The following PCDHGA3 variants were observed in gnomAD, a reference collection of about 807,000 sequenced individuals.
PCDHGA3 encodes the protein protocadherin gamma subfamily A, 3, also known as protocadherin gamma-A3.
In PCDHGA3, 40 loss-of-function variants were observed where a neutral mutation model predicts 58.5. The observed-to-expected ratio is 0.68, with a 90% confidence interval of 0.53 to 0.89. PCDHGA3 has a LOEUF of 0.89. PCDHGA3 is among the 40% of genes least tolerant of loss of function. PCDHGA3 has a pLI of 0.00. For missense variants in PCDHGA3, 1,223 were observed against 1,195.9 expected, an observed-to-expected ratio of 1.02 and a Z score of -0.33; for synonymous variants, 530 against 525.7, an observed-to-expected ratio of 1.01 and a Z score of -0.11.
chr5:141,410,036 A>G, intron 1 of PCDHGA3: 1 of 1,613,240 alleles, frequency 6.2e-7, no homozygotes, highest in Non-Finnish European at 8.5e-7. Flanking sequence ...GCTGCAGGCC[A>G]GTGAGCCCGG....
intron 1 of PCDHGA3, chr5:141,415,006 C>T (rs1353721901): frequency 1.2e-6 from 2 of 1,613,652 alleles, no homozygotes; most frequent in Non-Finnish European, 8.5e-7. Flanking sequence ...GCTGTCCTAC[C>T]GTCTGCTCAA....
intron 1 of PCDHGA3, chr5:141,374,317 T>C: frequency 1.2e-6 from 2 of 1,613,982 alleles, no homozygotes; most frequent in East Asian, 2.2e-5. Context: ...TCTCTCTGAA[T>C]CCGCGAAACG....
chr5:141,494,914 A>G (rs906245656), intron 2 of PCDHGA3, 49 bp downstream of exon 2: 5 of 1,613,708 alleles, frequency 3.1e-6, no homozygotes, highest in Admixed American at 1.7e-5. Context: ...GCATTTTCTC[A>G]GGGATGACGT....
At position 141,379,404 on chromosome 5, in the gene PCDHGA3, G is replaced by C. The variant is rs146281241; in HGVS notation, c.2424+32947G>C. ...ACAATTTTAAACAACTTGAATCTTGGATATTAGTCTCATGAGTTAGATGGG... is the reference window on the plus strand; with the variant it reads ...ACAATTTTAAACAACTTGAATCTTGCATATTAGTCTCATGAGTTAGATGGG... On this transcript the variant is annotated intron_variant, in intron 1 of 3. Coordinates refer to ENST00000253812, the MANE Select transcript of PCDHGA3 (RefSeq NM_018916.4). 549 of 152,154 alleles carry C rather than the reference G, an allele frequency of 3.6e-3. 6 individuals are homozygous for C. Among genetic ancestry groups the C allele is most frequent in the African/African-American group, 0.012 (518 of 41,502 alleles). 9.4% of individuals were successfully genotyped at this position (152,154 alleles called of 1,614,324 possible). A position where few individuals can be genotyped will look rare whatever the true frequency, so the allele number is the denominator to read the frequency against.
At chr5:141,433,364 T>C (rs1246641841) in intron 1 of PCDHGA3, 1 of 524,614 alleles carries the variant, frequency 1.9e-6, no homozygotes, top group Admixed American at 3.5e-5. Context: ...TCTGCCTATC[T>C]ATCTATCTAT....
At position 141,383,693 on chromosome 5, in the gene PCDHGA3, A is replaced by G. The variant is rs771447649; in HGVS notation, c.2424+37236A>G. 6 of 1,613,930 alleles carry G rather than the reference A, an allele frequency of 3.7e-6. No individual in the cohort carries two copies. The African/African-American group carries it at 4.0e-5, about 11-fold the overall frequency. On this transcript the variant is annotated intron_variant, in intron 1 of 3. Coordinates refer to ENST00000253812, the MANE Select transcript of PCDHGA3 (RefSeq NM_018916.4). Reference sequence around the variant, plus strand: ...GTGGGTACAAGACTGCTCACGGTACATGCTATCGACCTGGACGAGGGAGTC... The same window carrying G: ...GTGGGTACAAGACTGCTCACGGTACGTGCTATCGACCTGGACGAGGGAGTC...
intron 1 of PCDHGA3, chr5:141,361,373 A>T (rs768174278): frequency 1.1e-5 from 18 of 1,613,958 alleles, no homozygotes; most frequent in Non-Finnish European, 1.5e-5. Flanking sequence ...CTGGACCGGG[A>T]GGAGATCCCA....
At chr5:141,405,410 T>C (rs1483035668) in intron 1 of PCDHGA3, 2 of 1,557,296 alleles carry the variant, frequency 1.3e-6, no homozygotes, top group Non-Finnish European at 1.8e-6. Context: ...TTCTTTTCTT[T>C]TTTTGTTTTT....
intron 1 of PCDHGA3, chr5:141,415,949 C>T (rs369226000): frequency 6.5e-4 from 320 of 496,036 alleles, no homozygotes; most frequent in African/African-American, 5.9e-3. Context: ...TGGGTGGTCA[C>T]ATATTGAAAC....
chr5:141,351,924 C>T, intron 1 of PCDHGA3: 6 of 1,613,314 alleles, frequency 3.7e-6, no homozygotes, highest in Non-Finnish European at 5.1e-6. Context: ...AATGACAATG[C>T]GCCACGGGTG....
At chr5:141,483,207 A>G (rs1225621725) in intron 1 of PCDHGA3, among the ~76,000 whole-genome samples, 1 of 152,224 alleles carries the variant, frequency 6.6e-6, no homozygotes, top group African/African-American at 2.4e-5. Context: ...TATTCCATAT[A>G]GATGACAGTC....
chr5:141,399,287 C>G (rs1393904771), intron 1 of PCDHGA3: 1 of 1,613,912 alleles, frequency 6.2e-7, no homozygotes, highest in Non-Finnish European at 8.5e-7. Context: ...GGCGAAGTCC[C>G]TTTTAAGATT....
intron 1 of PCDHGA3, chr5:141,409,594 C>G: frequency 1.2e-6 from 2 of 1,613,900 alleles, no homozygotes; most frequent in Non-Finnish European, 1.7e-6. Flanking sequence ...TGGCCGAGAA[C>G]AACCCGCCAG....
chr5:141,412,050 A>G (rs1465943762), intron 1 of PCDHGA3: 1 of 152,222 alleles, frequency 6.6e-6, no homozygotes, highest in African/African-American at 2.4e-5. Flanking sequence ...GTGAACTTCT[A>G]TACCCTTTGC....
chr5:141,386,521 A>AG (rs1458324675), intron 1 of PCDHGA3, among the ~76,000 whole-genome samples: 1 of 232 alleles, frequency 4.3e-3, no homozygotes, highest in Non-Finnish European at 0.011. Context: ...TCAAAAAAAG[A>AG]CTCTTTTTAG....
chr5:141,486,654 T>C lies in PCDHGA3; in HGVS notation c.2425-8153T>C. ...TTGAATGCGCTTATCTCCTACTCAC[T>C]CCTGGAGCCCAGGAATCGAGATGTA... is the stretch of plus-strand genomic sequence containing the variant. On this transcript the variant is annotated intron_variant, in intron 1 of 3. Coordinates refer to ENST00000253812, the MANE Select transcript of PCDHGA3 (RefSeq NM_018916.4). The surrounding 1 kb of genome is among the most constrained non-coding windows in gnomAD (Gnocchi z 5.0). The C allele has an allele frequency of 2.5e-6, 4 of 1,613,922 alleles. No individual in the cohort carries two copies. Among genetic ancestry groups the C allele is most frequent in the Non-Finnish European group, 3.4e-6 (4 of 1,180,026 alleles).
chr5:141,385,276 A>T (rs1315773619), intron 1 of PCDHGA3: 3 of 1,613,446 alleles, frequency 1.9e-6, no homozygotes, highest in Non-Finnish European at 2.5e-6. Context: ...TTCTTTGCTA[A>T]CATCCGTAGA....
At position 141,487,144 on chromosome 5, in the gene PCDHGA3, C is replaced by T. The variant is rs2099640304; in HGVS notation, c.2425-7663C>T. The T allele has an allele frequency of 6.2e-7, 1 of 1,614,032 alleles. No homozygotes were observed. Among genetic ancestry groups the T allele is most frequent in the African/African-American group, 1.3e-5 (1 of 75,056 alleles). On this transcript the variant is annotated intron_variant, in intron 1 of 3. Coordinates refer to ENST00000253812, the MANE Select transcript of PCDHGA3 (RefSeq NM_018916.4). This position sits in a 1 kb window ranked among gnomAD's most constrained non-coding sequence, Gnocchi z 5.0. ...ATAGTGGTAGTCCACCACTCTCTAC[C>T]TCTGTTACTCTCTTAGTGTCCTTAG...
intron 1 of PCDHGA3, chr5:141,415,943 T>A: frequency 1.8e-6 from 1 of 552,806 alleles, no homozygotes; most frequent in Non-Finnish European, 2.7e-6. Flanking sequence ...TCCTCCTGGG[T>A]GGTCACATAT....
Sources: allele counts gnomAD v4.1 joint callset (sites outside exome capture counted in the v4.1 genomes callset), GRCh38; gene constraint gnomAD v4.1.1; non-coding constraint Gnocchi (gnomAD v3.1); transcripts MANE v1.5; gene names NCBI Gene and HGNC (gene_info 2026-07-23, HGNC 2026-07-21).